The following SCAPER variants were observed in gnomAD, a reference collection of about 807,000 sequenced individuals.
SCAPER encodes S-phase cyclin A associated protein in the ER.
SCAPER carries 98 observed loss-of-function variants against 182.2 expected under a neutral mutation model. The ratio of observed to expected loss-of-function variants is 0.54; its 90% confidence interval spans 0.46 to 0.64. The LOEUF (loss-of-function observed/expected upper bound fraction) is 0.64. Ranked by LOEUF, SCAPER falls within the 30% of genes least tolerant of loss-of-function variation. The pLI, the probability that SCAPER is intolerant of heterozygous loss-of-function variation, is 0.00. For missense variants in SCAPER, 1,432 were observed against 1,690.0 expected (o/e 0.85, Z 2.68); for synonymous variants, 605 against 564.6 (o/e 1.07, Z -1.01).
intron 24 of SCAPER, among the ~76,000 whole-genome samples, chr15:76,474,659 T>G (rs1000930292): frequency 6.6e-6 from 1 of 152,218 alleles, no homozygotes; most frequent in Non-Finnish European, 1.5e-5. Context: ...GCCTGGCACA[T>G]GATTAAGTAC....
chr15:76,573,928 T>C (rs2047632236), intron 23 of SCAPER, among the ~76,000 whole-genome samples: 1 of 151,814 alleles, frequency 6.6e-6, no homozygotes, highest in Admixed American at 6.6e-5. Flanking sequence ...AAAACATGAC[T>C]GAGGAAACCA....
chr15:76,366,726 C>T (rs1401166656), intron 29 of SCAPER, among the ~76,000 whole-genome samples: 1 of 152,196 alleles, frequency 6.6e-6, no homozygotes, highest in East Asian at 1.9e-4. Flanking sequence ...TGTGAGTTCT[C>T]CTTCCCTCCC....
intron 23 of SCAPER, among the ~76,000 whole-genome samples, chr15:76,561,509 T>G (rs2046619766): frequency 6.6e-6 from 1 of 152,158 alleles, no homozygotes; most frequent in Non-Finnish European, 1.5e-5. Context: ...TTTTGTTCCC[T>G]GAAATGTTTT....
At chr15:76,441,169 C>T (rs781660528) in intron 25 of SCAPER, among the ~76,000 whole-genome samples, 1 of 151,930 alleles carries the variant, frequency 6.6e-6, no homozygotes, top group African/African-American at 2.4e-5. Flanking sequence ...GATCCACCCG[C>T]CTTGGCCTCC....
chr15:76,445,912 T>C (rs951726112), intron 25 of SCAPER, among the ~76,000 whole-genome samples: 16 of 152,196 alleles, frequency 1.1e-4, no homozygotes, highest in African/African-American at 3.6e-4. Flanking sequence ...GGGCGTTGCA[T>C]GAGTGCTTAA....
intron 2 of SCAPER, among the ~76,000 whole-genome samples, chr15:76,865,456 C>A (rs1428597539): frequency 6.6e-6 from 1 of 152,010 alleles, no homozygotes; most frequent in Non-Finnish European, 1.5e-5. Flanking sequence ...CGGTTCAAAA[C>A]AGAATGATGA....
chr15:76,859,742 G>GT (rs546267856), intron 3 of SCAPER, among the ~76,000 whole-genome samples: 4 of 151,800 alleles, frequency 2.6e-5, no homozygotes, highest in Admixed American at 2.6e-4. Context: ...GTTTTGTTTT[G>GT]TTTTTTTGAG....
chr15:76,570,282 T>G (rs942621707), intron 23 of SCAPER, among the ~76,000 whole-genome samples: 4 of 152,172 alleles, frequency 2.6e-5, no homozygotes, highest in Non-Finnish European at 4.4e-5. Context: ...GAGTTTTTTT[T>G]GTCATAGTCC....
At chr15:76,404,800 T>C in intron 26 of SCAPER, 121 bp from the exon 27 acceptor site, 1 of 835,548 alleles carries the variant, frequency 1.2e-6, no homozygotes, top group South Asian at 3.7e-5. Context: ...ACAACACAAG[T>C]TTGAGTAAAG....
At chr15:76,811,838 C>CA (rs2066653248) in intron 5 of SCAPER, among the ~76,000 whole-genome samples, 1 of 150,578 alleles carries the variant, frequency 6.6e-6, no homozygotes, top group South Asian at 2.1e-4. Context: ...AAAGGGAAAA[C>CA]AAAACAAAAC....
intron 23 of SCAPER, among the ~76,000 whole-genome samples, chr15:76,534,582 G>T (rs1382202675): frequency 6.6e-6 from 1 of 152,104 alleles, no homozygotes; most frequent in Non-Finnish European, 1.5e-5. Flanking sequence ...ACGTGAAAGG[G>T]CATGGAATAA....
intron 20 of SCAPER, among the ~76,000 whole-genome samples, chr15:76,696,711 AC>A (rs762491163): frequency 6.6e-6 from 1 of 152,200 alleles, no homozygotes; most frequent in Admixed American, 6.5e-5. Flanking sequence ...GATATCAAGT[AC>A]TAAAAATAAT....
chr15:76,395,331 T>G (rs1330649272), intron 27 of SCAPER, among the ~76,000 whole-genome samples: 2 of 152,190 alleles, frequency 1.3e-5, no homozygotes, highest in African/African-American at 4.8e-5. Context: ...ATCTCTTTGA[T>G]ATACTGATTT....
chr15:76,460,774 TG>T (rs1345210974), intron 25 of SCAPER, among the ~76,000 whole-genome samples: 1 of 152,148 alleles, frequency 6.6e-6, no homozygotes, highest in African/African-American at 2.4e-5. Flanking sequence ...CCCTTTCCTC[TG>T]TCATCTCCAA....
Position 76,561,369 on chromosome 15 carries a change from T to C in SCAPER, c.2838+12789A>G, listed in dbSNP as rs2046606643. 2.0e-5 allele frequency among the ~76,000 whole-genome samples: 3 copies of C among 152,322 alleles called. 1 individual carries two copies. In the East Asian group the frequency reaches 5.8e-4, roughly 29 times the overall value. On this transcript the variant is annotated intron_variant, in intron 23 of 31. Coordinates refer to ENST00000563290, the MANE Select transcript of SCAPER (RefSeq NM_020843.4). ...CTATTGTAATAATTGACATGCCTGGTTGAAATTTCCTTTAAAAATTATTTT... is the reference window on the plus strand; with the variant it reads ...CTATTGTAATAATTGACATGCCTGGCTGAAATTTCCTTTAAAAATTATTTT...
rs188664991 is a variant in SCAPER at position 76,636,165 on chromosome 15, G to A, written c.2646-14336C>T. Reference sequence around the variant, plus strand: ...TCCTTCTTTTGTGAAGGAAAGCTTTGCCAAATATAGAATTCTTGGTTAACA... The same window carrying A: ...TCCTTCTTTTGTGAAGGAAAGCTTTACCAAATATAGAATTCTTGGTTAACA... On this transcript the variant is annotated intron_variant, in intron 21 of 31. Transcript: ENST00000563290. Among the ~76,000 whole-genome samples the A allele has an allele frequency of 1.7e-3, 254 of 152,226 alleles. 3 individuals carry two copies. Among genetic ancestry groups the A allele is most frequent in the East Asian group, 5.8e-4 (3 of 5,176 alleles).
chr15:76,511,384 T>C (rs1320857948), intron 23 of SCAPER, among the ~76,000 whole-genome samples: 1 of 152,222 alleles, frequency 6.6e-6, no homozygotes, highest in African/African-American at 2.4e-5. Flanking sequence ...GGCCTGGCAA[T>C]GGCTTATGGA....
At chr15:76,860,535 A>ATTAGGTAAAT (rs2071788049) in intron 3 of SCAPER, among the ~76,000 whole-genome samples, 1 of 152,194 alleles carries the variant, frequency 6.6e-6, no homozygotes, top group Non-Finnish European at 1.5e-5. Flanking sequence ...ACACACATGA[A>ATTAGGTAAAT]TTAGGTAAAC....
At chr15:76,611,796 A>C (rs1306614912) in intron 22 of SCAPER, among the ~76,000 whole-genome samples, 1 of 152,270 alleles carries the variant, frequency 6.6e-6, no homozygotes, top group East Asian at 1.9e-4. Flanking sequence ...CAACCAAGCA[A>C]ATCAATAAAT....
Sources: allele counts gnomAD v4.1 joint callset (sites outside exome capture counted in the v4.1 genomes callset), GRCh38; gene constraint gnomAD v4.1.1; transcripts MANE v1.5; gene names NCBI Gene and HGNC (gene_info 2026-07-23, HGNC 2026-07-21).